Variants in CD8A observed in about 807,000 individuals in gnomAD.
CD8A encodes T-cell surface glycoprotein CD8 alpha chain.
A neutral mutation model predicts 24.2 loss-of-function variants in CD8A; 25 were observed. The observed-to-expected ratio is 1.03, with a 90% confidence interval of 0.75 to 1.44. The LOEUF is 1.44. Among genes scored for constraint, CD8A ranks in the 40% most tolerant of loss-of-function variants. The pLI is 0.00. For missense variants in CD8A, 360 were observed against 319.7 expected (o/e 1.13, Z -0.96); for synonymous variants, 165 against 149.9 (o/e 1.10, Z -0.74).
chr2:86,799,403 A>G (rs1482961203), intron 3 of CD8A, among the ~76,000 whole-genome samples: 1 of 152,174 alleles, frequency 6.6e-6, no homozygotes, highest in Non-Finnish European at 1.5e-5. Flanking sequence ...TGTAATTTCC[A>G]TCCGTTAGAA....
Position 86,788,691 on chromosome 2 carries a change from G to A in CD8A, c.626-131C>T, listed in dbSNP as rs1006445995. 6 of 791,660 alleles carry A rather than the reference G, an allele frequency of 7.6e-6. No individual in the cohort carries two copies. In the African/African-American group the frequency reaches 1.0e-4, roughly 13 times the overall value. The allele number at this position is 791,660 out of a possible 1,614,324, so 49.0% of individuals were successfully genotyped here. On this transcript the variant is annotated intron_variant, in intron 4 of 5. Transcript: ENST00000283635. ...GTTTTACAAAAAATCATTTCAGAACGATCATGGGCTGAAATTGGATGAGGC... is the reference window on the plus strand; with the variant it reads ...GTTTTACAAAAAATCATTTCAGAACAATCATGGGCTGAAATTGGATGAGGC...
chr2:86,784,734 G>A lies in CD8A; in HGVS notation c.*1186C>T. 1 of 453,784 alleles carries A rather than the reference G, an allele frequency of 2.2e-6. No individual in the cohort carries two copies. Among genetic ancestry groups the A allele is most frequent in the South Asian group, 1.6e-5 (1 of 64,458 alleles). 28.1% of individuals were successfully genotyped at this position (453,784 alleles called of 1,614,324 possible). ...ACATGTATGTGTAGAAAATAATCAG[G>A]AAGAATGTACACCATATTAACAGGA... On this transcript the variant is annotated 3_prime_UTR_variant, in exon 6 of 6. Transcript: ENST00000283635.
intron 2 of CD8A, among the ~76,000 whole-genome samples, chr2:86,802,677 C>T (rs532279330): frequency 5.3e-5 from 8 of 152,344 alleles, no homozygotes; most frequent in African/African-American, 1.9e-4. Flanking sequence ...ACAATCTCCA[C>T]TCACTGCAAC....
rs1385768766 is a variant in CD8A at position 86,784,800 on chromosome 2, C to G, written c.*1120G>C. 2.2e-6 allele frequency: 1 copy of G among 453,942 alleles called. No homozygotes were observed. Among genetic ancestry groups the G allele is most frequent in the East Asian group, 6.9e-5 (1 of 14,410 alleles). 28.1% of individuals were successfully genotyped at this position (453,942 alleles called of 1,614,324 possible). ...GAAGAATTATGAGTGGTTCTTATTT[C>G]CTTATCTACTTAAGTTTTTTCTCTC... On this transcript the variant is annotated 3_prime_UTR_variant, in exon 6 of 6. Coordinates refer to ENST00000283635, the MANE Select transcript of CD8A (RefSeq NM_001768.7).
intron 3 of CD8A, among the ~76,000 whole-genome samples, chr2:86,800,107 C>A (rs1673618969): frequency 6.6e-6 from 1 of 151,774 alleles, no homozygotes; most frequent in Admixed American, 6.6e-5. Flanking sequence ...GCTAAAGAAA[C>A]AGCTTAGAAA....
At chr2:86,789,787 G>T in intron 2 of CD8A, 37 bp from the exon 3 acceptor site, 1 of 1,243,400 alleles carries the variant, frequency 8.0e-7, no homozygotes, top group South Asian at 2.3e-5. Flanking sequence ...GGGCCAGGCT[G>T]GGGTTATGGA....
chr2:86,791,011 T>C, upstream of CD8A: 1 of 741,426 alleles, frequency 1.3e-6, no homozygotes, highest in Non-Finnish European at 2.4e-6. Flanking sequence ...TTCGCGGTTG[T>C]CGCCTTCCAG....
Position 86,784,844 on chromosome 2 carries a change from T to G in CD8A, c.*1076A>C, listed in dbSNP as rs1248751055. 1 of 454,020 alleles carries G rather than the reference T, an allele frequency of 2.2e-6. No individual in the cohort carries two copies. The highest frequency in any genetic ancestry group is 2.3e-5 in the Admixed American group (1 of 42,560). 28.1% of individuals were successfully genotyped at this position (454,020 alleles called of 1,614,324 possible). A position where few individuals can be genotyped will look rare whatever the true frequency, so the allele number is the denominator to read the frequency against. On this transcript the variant is annotated 3_prime_UTR_variant, in exon 6 of 6. Transcript: ENST00000283635. ...TTCTCTCCAATGGGCAGGCATTGCTTGTACCATACCTTAAGCAAGGAAGTG... is the reference window on the plus strand; with the variant it reads ...TTCTCTCCAATGGGCAGGCATTGCTGGTACCATACCTTAAGCAAGGAAGTG...
chr2:86,803,316 C>T (rs1017102378), intron 2 of CD8A, among the ~76,000 whole-genome samples: 12 of 152,156 alleles, frequency 7.9e-5, no homozygotes, highest in African/African-American at 2.9e-4. Flanking sequence ...ATCTGTACTC[C>T]TGTGTTTATT....
intron 5 of CD8A, among the ~76,000 whole-genome samples, chr2:86,787,909 G>T (rs1673089677): frequency 6.6e-6 from 1 of 151,944 alleles, no homozygotes; most frequent in South Asian, 2.1e-4. Context: ...GTGTGTGTGT[G>T]TGTGTGTGTG....
At chr2:86,787,629 TAAA>T (rs908855373) in intron 5 of CD8A, among the ~76,000 whole-genome samples, 1 of 151,996 alleles carries the variant, frequency 6.6e-6, no homozygotes, top group South Asian at 2.1e-4. Context: ...AACTTAAAAT[TAAA>T]AAAAATCTAT....
chr2:86,804,088 A>C (rs1266783338), intron 2 of CD8A, among the ~76,000 whole-genome samples: 1 of 152,218 alleles, frequency 6.6e-6, no homozygotes, highest in Admixed American at 6.5e-5. Flanking sequence ...TGGGTAACTA[A>C]GTGAGATGAT....
chr2:86,794,878 T>C (rs534425949), upstream of CD8A, among the ~76,000 whole-genome samples: 1 of 152,240 alleles, frequency 6.6e-6, no homozygotes, highest in African/African-American at 2.4e-5. Flanking sequence ...CGGACCCTAG[T>C]CCTTTCCACT....
chr2:86,788,473 C>G (rs1450480560), intron 5 of CD8A, 57 bp downstream of exon 5: 33 of 1,441,394 alleles, frequency 2.3e-5, no homozygotes, highest in Non-Finnish European at 3.0e-5. Context: ...CTGGGGAAAC[C>G]AGGACCCCAC....
upstream of CD8A, chr2:86,791,482 C>T (rs1039555376): frequency 4.4e-6 from 2 of 453,530 alleles, no homozygotes; most frequent in Non-Finnish European, 8.8e-6. Context: ...CTCATTCTTC[C>T]GGCCTTTCAT....
upstream of CD8A, chr2:86,791,060 A>C: frequency 1.4e-6 from 1 of 701,190 alleles, no homozygotes; most frequent in South Asian, 1.5e-5. Context: ...AGGGCCGTCG[A>C]GGCAGCCTGG....
intron 2 of CD8A, 59 bp from the exon 3 acceptor site, chr2:86,789,809 C>A: frequency 2.9e-6 from 3 of 1,051,924 alleles, no homozygotes; most frequent in Non-Finnish European, 2.5e-6. Context: ...GCGCCCCAGC[C>A]CCGGCCTCGC....
At chr2:86,789,239 C>G (rs10175902) in intron 4 of CD8A, 84 bp downstream of exon 4, 12 of 902,804 alleles carry the variant, frequency 1.3e-5, no homozygotes, top group African/African-American at 8.1e-5. Flanking sequence ...CCAAGCTCCC[C>G]CCTCGCAAGG....
In CD8A at chr2:86,805,252, G is replaced by A. The variant is rs147270868; in HGVS notation, c.-418+2195C>T. On this transcript the variant is annotated intron_variant, in intron 2 of 8. Transcript: ENST00000409511. ...TTTGGGCTGGGTTTTGCTGTTATAA[G>A]CTAAACTACAATGGACATCCTTGTA... Among the ~76,000 whole-genome samples, 443 of 152,212 alleles carry A rather than the reference G, an allele frequency of 2.9e-3. 2 individuals are homozygous for A. Among genetic ancestry groups the A allele is most frequent in the African/African-American group, 0.01 (419 of 41,526 alleles).
Sources: gnomAD v4.1 joint callset for allele counts (sites outside exome capture counted in the v4.1 genomes callset) on GRCh38, gnomAD v4.1.1 for gene constraint, MANE v1.5 for transcripts, NCBI Gene and HGNC (gene_info 2026-07-23, HGNC 2026-07-21) for gene names.